RIPOR3: variants seen among roughly 807,000 people sequenced by gnomAD.
RIPOR3 encodes the protein RIPOR family member 3, also known as family with sequence similarity 65 member C.
A neutral mutation model predicts 114.3 loss-of-function variants in RIPOR3; 95 were observed. That is an observed-to-expected ratio of 0.83 (90% CI 0.70 to 0.99). RIPOR3 has a LOEUF of 0.99. Ranked by LOEUF, RIPOR3 falls within the 50% of genes least tolerant of loss-of-function variation. The probability of loss-of-function intolerance (pLI) is 0.00; values close to 1 mark genes in which losing one functional copy is unlikely to be tolerated. For missense variants in RIPOR3, 1,252 were observed against 1,266.9 expected (o/e 0.99, Z 0.18); for synonymous variants, 575 against 543.8 (o/e 1.06, Z -0.80).
At chr20:50,590,066 A>C (rs1227288759) in intron 19 of RIPOR3, 4 of 318,962 alleles carry the variant, frequency 1.3e-5, no homozygotes, top group Non-Finnish European at 2.5e-5. Context: ...AAAATGCTGA[A>C]TCAGAGAAAT....
chr20:50,660,873 G>GC (rs570425738), intron 1 of RIPOR3, among the ~76,000 whole-genome samples: 463 of 143,538 alleles, frequency 3.2e-3, no homozygotes, highest in Non-Finnish European at 4.5e-3. Flanking sequence ...TCCCACCTCA[G>GC]CACCCCCCAC....
intron 1 of RIPOR3, among the ~76,000 whole-genome samples, chr20:50,674,800 A>C (rs1256258676): frequency 6.6e-6 from 1 of 151,472 alleles, no homozygotes; most frequent in Non-Finnish European, 1.5e-5. Flanking sequence ...AAGAAACTAA[A>C]AGCCAGGTGC....
At chr20:50,673,936 A>G (rs1032299271) in intron 1 of RIPOR3, among the ~76,000 whole-genome samples, 1 of 152,178 alleles carries the variant, frequency 6.6e-6, no homozygotes, top group African/African-American at 2.4e-5. Context: ...AAGACTCCCA[A>G]AATGTTACCA....
chr20:50,602,985 C>G lies in RIPOR3; in HGVS notation c.1087-341G>C, dbSNP rs1283929043. Among the ~76,000 whole-genome samples, 1 of 152,224 alleles carries G rather than the reference C, an allele frequency of 6.6e-6. No homozygotes were observed. The highest frequency in any genetic ancestry group is 1.5e-5 in the Non-Finnish European group (1 of 68,040). ...CCCATGTGCCTTCATGGCTTGTGCCCTCGCCTCCTCAGGACCTTACATAGG... is the reference window on the plus strand; with the variant it reads ...CCCATGTGCCTTCATGGCTTGTGCCGTCGCCTCCTCAGGACCTTACATAGG... On this transcript the variant is annotated intron_variant, in intron 12 of 21. Transcript: ENST00000327979. The surrounding 1 kb of genome is among the most constrained non-coding windows in gnomAD (Gnocchi z 4.3).
intron 1 of RIPOR3, among the ~76,000 whole-genome samples, chr20:50,666,185 T>TTC (rs1328094619): frequency 8.2e-5 from 2 of 24,478 alleles, no homozygotes; most frequent in Non-Finnish European, 2.9e-4. Context: ...GGACACCCAT[T>TTC]TCTTTTCTTT....
At chr20:50,623,260 TAAAA>T (rs57108911) in intron 2 of RIPOR3, among the ~76,000 whole-genome samples, 2 of 113,264 alleles carry the variant, frequency 1.8e-5, no homozygotes, top group Non-Finnish European at 2.0e-5. Context: ...AACTCTGCCT[TAAAA>T]AAAAAAAAAA....
intron 12 of RIPOR3, 102 bp downstream of exon 12, chr20:50,604,543 G>T: frequency 2.8e-6 from 4 of 1,447,818 alleles, no homozygotes; most frequent in Non-Finnish European, 3.7e-6. Flanking sequence ...TGAGCCCGAG[G>T]CTTGCCATGT....
Position 50,609,184 on chromosome 20 carries a change from G to C in RIPOR3, c.640+109C>G, listed in dbSNP as rs1157499937. ...AGTCACATGTCACATGGATGCAAAAGCCAGGGCTGGGCTCAGACCCCTGGG... is the reference window on the plus strand; with the variant it reads ...AGTCACATGTCACATGGATGCAAAACCCAGGGCTGGGCTCAGACCCCTGGG... On this transcript the variant is annotated intron_variant, in intron 8 of 21. Coordinates refer to ENST00000327979, the MANE Select transcript of RIPOR3 (RefSeq NM_001290268.2). 4 of 1,409,592 alleles carry C rather than the reference G, an allele frequency of 2.8e-6. No homozygotes were observed. The African/African-American group carries it at 5.7e-5, about 20-fold the overall frequency. 87.3% of individuals were successfully genotyped at this position (1,409,592 alleles called of 1,614,324 possible). A position where few individuals can be genotyped will look rare whatever the true frequency, so the allele number is the denominator to read the frequency against.
chr20:50,609,335 C>T lies in RIPOR3; in HGVS notation c.598G>A (p.Ala200Thr). 1 of 1,613,850 alleles carries T rather than the reference C, an allele frequency of 6.2e-7. No individual in the cohort carries two copies. The highest frequency in any genetic ancestry group is 1.1e-5 in the South Asian group (1 of 91,052). Residue 200 changes from alanine to threonine, a missense_variant, in exon 8 of 22, where the codon GCC becomes ACC. Transcript: ENST00000327979. ...AACTCGCCCAGGTGAACCTCCAGGGCCCCCTCGATGAGCCACATGTCCTGC... is the reference window on the plus strand; with the variant it reads ...AACTCGCCCAGGTGAACCTCCAGGGTCCCCTCGATGAGCCACATGTCCTGC... ...CAEDMWLIEG[A>T]LEVHLGEFHI... is the part of the protein sequence containing the mutation.
At chr20:50,675,718 C>T (rs1338999706) in intron 1 of RIPOR3, among the ~76,000 whole-genome samples, 2 of 152,244 alleles carry the variant, frequency 1.3e-5, no homozygotes, top group East Asian at 1.9e-4. Flanking sequence ...ATGCTGTTGA[C>T]CAGACCATCC....
intron 1 of RIPOR3, among the ~76,000 whole-genome samples, chr20:50,665,944 C>A (rs1186804728): frequency 6.6e-6 from 1 of 151,930 alleles, no homozygotes; most frequent in Admixed American, 6.6e-5. Flanking sequence ...TCCCAGACAT[C>A]TAAATTTTAT....
At chr20:50,644,849 T>TTA (rs1555861544) in intron 1 of RIPOR3, among the ~76,000 whole-genome samples, 1 of 150,428 alleles carries the variant, frequency 6.6e-6, no homozygotes, top group African/African-American at 2.4e-5. Flanking sequence ...TTTTTATTTT[T>TTA]TTTTTTTGAG....
chr20:50,648,331 T>TAA (rs60117235), intron 1 of RIPOR3, among the ~76,000 whole-genome samples: 3 of 136,720 alleles, frequency 2.2e-5, no homozygotes, highest in African/African-American at 2.7e-5. Flanking sequence ...GGGGCTGCTG[T>TAA]AAAAAAAAAA....
At chr20:50,593,225 A>C (rs1244891628) in intron 17 of RIPOR3, 29 bp from the exon 18 acceptor site, 1 of 1,602,020 alleles carries the variant, frequency 6.2e-7, no homozygotes, top group African/African-American at 1.3e-5. Flanking sequence ...ACATCAGGAG[A>C]AACTGAGACC....
chr20:50,684,434 G>A (rs1038872471), intron 1 of RIPOR3, among the ~76,000 whole-genome samples: 1 of 152,242 alleles, frequency 6.6e-6, no homozygotes. Context: ...GTGGGAAGGA[G>A]GAGAGATAAG....
chr20:50,653,318 G>A (rs1468815659), intron 1 of RIPOR3: 1 of 152,126 alleles, frequency 6.6e-6, no homozygotes. Context: ...GGGAGAATGG[G>A]AGTCATTACT....
intron 11 of RIPOR3, among the ~76,000 whole-genome samples, chr20:50,607,672 A>C (rs2083772262): frequency 1.3e-5 from 2 of 152,060 alleles, no homozygotes. Context: ...GAGGACCCCG[A>C]GGGTGCAGGT....
intron 1 of RIPOR3, among the ~76,000 whole-genome samples, chr20:50,648,908 G>A (rs2085507634): frequency 6.6e-6 from 1 of 152,128 alleles, no homozygotes; most frequent in African/African-American, 2.4e-5. Context: ...CCTGCTATGT[G>A]GCCCAGTTCC....
At chr20:50,645,272 G>A (rs1055881838) in intron 1 of RIPOR3, among the ~76,000 whole-genome samples, 26 of 152,164 alleles carry the variant, frequency 1.7e-4, no homozygotes, top group African/African-American at 6.3e-4. Context: ...GCCCAGGAAG[G>A]CAGGAGCACC....
Sources: allele counts gnomAD v4.1 joint callset (sites outside exome capture counted in the v4.1 genomes callset), GRCh38; gene constraint gnomAD v4.1.1; non-coding constraint Gnocchi (gnomAD v3.1); transcripts MANE v1.5; gene names NCBI Gene and HGNC (gene_info 2026-07-23, HGNC 2026-07-21).